The following OXR1 variants were observed in gnomAD, a reference collection of about 807,000 sequenced individuals.
OXR1 encodes the protein oxidation resistance 1.
OXR1 carries 41 observed loss-of-function variants against 104.6 expected under a neutral mutation model. That is an observed-to-expected ratio of 0.39 (90% CI 0.31 to 0.51). OXR1 has a LOEUF of 0.51. OXR1 is among the 20% of genes least tolerant of loss of function. The probability of loss-of-function intolerance (pLI) is 0.77; values close to 1 mark genes in which losing one functional copy is unlikely to be tolerated. For synonymous variants in OXR1, 348 were observed against 348.4 expected, an observed-to-expected ratio of 1.00 and a Z score of 0.01; for missense variants, 955 against 1,031.9, an observed-to-expected ratio of 0.93 and a Z score of 1.02.
intron 3 of OXR1, among the ~76,000 whole-genome samples, chr8:106,557,396 A>T (rs2032155433): frequency 6.6e-6 from 1 of 152,330 alleles, no homozygotes; most frequent in Admixed American, 6.5e-5. Context: ...TGTTATTCAT[A>T]GAGTTCTAGA....
intron 3 of OXR1, among the ~76,000 whole-genome samples, chr8:106,602,017 A>G (rs1326039710): frequency 6.6e-6 from 1 of 152,116 alleles, no homozygotes; most frequent in East Asian, 1.9e-4. Flanking sequence ...GTGACCCTTC[A>G]TTGCTGAGGG....
intron 3 of OXR1, among the ~76,000 whole-genome samples, chr8:106,535,879 G>A (rs1408672149): frequency 6.6e-6 from 1 of 151,994 alleles, no homozygotes; most frequent in South Asian, 2.1e-4. Context: ...AATTCCTAAT[G>A]TGTGAACTAT....
At chr8:106,668,772 GTGTTAAC>G (rs2131139993) in intron 3 of OXR1, among the ~76,000 whole-genome samples, 1 of 152,304 alleles carries the variant, frequency 6.6e-6, no homozygotes, top group African/African-American at 2.4e-5. Context: ...AAAACTGCTG[GTGTTAAC>G]TGTCACAAAT....
At chr8:106,412,822 T>G (rs1203622633) in intron 2 of OXR1, among the ~76,000 whole-genome samples, 2 of 152,088 alleles carry the variant, frequency 1.3e-5, no homozygotes, top group East Asian at 3.9e-4. Flanking sequence ...ATCAGAAAAA[T>G]TATTTTTCCT....
At chr8:106,448,246 C>T (rs191415381) in intron 2 of OXR1, among the ~76,000 whole-genome samples, 1 of 152,190 alleles carries the variant, frequency 6.6e-6, no homozygotes, top group African/African-American at 2.4e-5. Context: ...GGCAGACTGC[C>T]GAAAACATAG....
intron 3 of OXR1, among the ~76,000 whole-genome samples, chr8:106,541,949 CTT>C (rs1347402132): frequency 2.0e-5 from 3 of 152,112 alleles, no homozygotes; most frequent in Non-Finnish European, 4.4e-5. Context: ...AAGTATCTAA[CTT>C]ATGTGTTTTT....
At chr8:106,578,122 A>G (rs1817985782) in intron 3 of OXR1, among the ~76,000 whole-genome samples, 1 of 152,202 alleles carries the variant, frequency 6.6e-6, no homozygotes. Flanking sequence ...ATAAACATTT[A>G]GTATAAGTAT....
At chr8:106,283,100 T>C (rs1812355781) in intron 1 of OXR1, among the ~76,000 whole-genome samples, 1 of 152,224 alleles carries the variant, frequency 6.6e-6, no homozygotes, top group Non-Finnish European at 1.5e-5. Context: ...CTGTCCACGC[T>C]TGTGCTTGAT....
At chr8:106,434,429 G>C (rs1246501356) in intron 2 of OXR1, among the ~76,000 whole-genome samples, 2 of 152,156 alleles carry the variant, frequency 1.3e-5, no homozygotes, top group Non-Finnish European at 2.9e-5. Flanking sequence ...AACTCATTAA[G>C]GGTTGTAATT....
intron 3 of OXR1, among the ~76,000 whole-genome samples, chr8:106,645,213 A>G (rs1170111697): frequency 6.6e-6 from 1 of 152,188 alleles, no homozygotes; most frequent in Non-Finnish European, 1.5e-5. Context: ...ATGTCTCTGT[A>G]TATTTAAGAA....
chr8:106,376,377 G>C (rs7824001), intron 2 of OXR1, among the ~76,000 whole-genome samples: 14,946 of 152,068 alleles, frequency 0.098, 1,222 homozygotes, highest in African/African-American at 0.22. Flanking sequence ...ATTGACGGGG[G>C]ATTTCCCTAA....
At chr8:106,486,381 A>T (rs1442036715) in intron 2 of OXR1, among the ~76,000 whole-genome samples, 1 of 152,118 alleles carries the variant, frequency 6.6e-6, no homozygotes, top group African/African-American at 2.4e-5. Context: ...CAAATTGTGC[A>T]TGTGTGTATT....
At chr8:106,405,814 G>A (rs1040820397) in intron 2 of OXR1, among the ~76,000 whole-genome samples, 1 of 152,096 alleles carries the variant, frequency 6.6e-6, no homozygotes, top group African/African-American at 2.4e-5. Flanking sequence ...ACCAAGATGA[G>A]TTCAGCCGAA....
At chr8:106,299,385 T>A (rs1428693002) in intron 1 of OXR1, among the ~76,000 whole-genome samples, 1 of 152,100 alleles carries the variant, frequency 6.6e-6, no homozygotes, top group East Asian at 1.9e-4. Context: ...TATTTTTGAA[T>A]AGTAATGCAA....
chr8:106,342,918 A>G (rs1815315393), intron 1 of OXR1, among the ~76,000 whole-genome samples: 1 of 152,160 alleles, frequency 6.6e-6, no homozygotes, highest in African/African-American at 2.4e-5. Context: ...TAAATCTATC[A>G]GCTTCTTCAC....
At chr8:106,491,398 G>A (rs1183276197) in intron 2 of OXR1, among the ~76,000 whole-genome samples, 1 of 152,154 alleles carries the variant, frequency 6.6e-6, no homozygotes, top group African/African-American at 2.4e-5. Flanking sequence ...CCATACACCA[G>A]TGTGAGCATG....
At chr8:106,617,434 A>G (rs1821335270) in intron 3 of OXR1, among the ~76,000 whole-genome samples, 1 of 152,148 alleles carries the variant, frequency 6.6e-6, no homozygotes, top group African/African-American at 2.4e-5. Context: ...ATCTCAAAAA[A>G]AAAGGGGGGT....
intron 2 of OXR1, among the ~76,000 whole-genome samples, chr8:106,392,306 A>G (rs1448692315): frequency 6.6e-6 from 1 of 152,178 alleles, no homozygotes; most frequent in East Asian, 1.9e-4. Flanking sequence ...ATGGAAGAGG[A>G]CTGCGTTTGA....
intron 3 of OXR1, among the ~76,000 whole-genome samples, chr8:106,650,349 C>CT (rs1369957540): frequency 6.6e-6 from 1 of 152,214 alleles, no homozygotes; most frequent in Non-Finnish European, 1.5e-5. Flanking sequence ...TGAAGTTAGA[C>CT]TAAGGGCCCA....
Sources: allele counts gnomAD v4.1 joint callset (sites outside exome capture counted in the v4.1 genomes callset), GRCh38; gene constraint gnomAD v4.1.1; transcripts MANE v1.5; gene names NCBI Gene and HGNC (gene_info 2026-07-23, HGNC 2026-07-21).